SARDH: variants seen among roughly 807,000 people sequenced by gnomAD.
SARDH encodes the protein sarcosine dehydrogenase, mitochondrial.
SARDH carries 95 observed loss-of-function variants against 109.1 expected under a neutral mutation model. That is an observed-to-expected ratio of 0.87 (90% CI 0.74 to 1.03). The LOEUF (loss-of-function observed/expected upper bound fraction) is 1.03. Among genes scored for constraint, SARDH ranks in the 50% least tolerant of loss-of-function variants. The pLI, the probability that SARDH is intolerant of heterozygous loss-of-function variation, is 0.00. For missense variants in SARDH, 1,267 were observed against 1,287.8 expected (o/e 0.98, Z 0.25); for synonymous variants, 572 against 534.8 (o/e 1.07, Z -0.96).
At chr9:133,735,734 C>T (rs1301661574) in intron 1 of SARDH, among the ~76,000 whole-genome samples, 3 of 152,232 alleles carry the variant, frequency 2.0e-5, no homozygotes, top group Admixed American at 1.3e-4. Context: ...AAACACACCC[C>T]TCGGTGGAGA....
intron 8 of SARDH, among the ~76,000 whole-genome samples, chr9:133,714,533 C>A (rs1247879451): frequency 6.6e-6 from 1 of 152,216 alleles, no homozygotes; most frequent in African/African-American, 2.4e-5. Flanking sequence ...AATCCCAGTA[C>A]TTTGGGAGGC....
Position 133,734,056 on chromosome 9 carries a change from C to A in SARDH, c.118G>T (p.Val40Leu), listed in dbSNP as rs751590742. Residue 40 changes from valine to leucine, a missense_variant, in exon 2 of 21, where the codon GTG becomes TTG. Physicochemically the swap from Val to Leu is conservative, Grantham distance 32. Coordinates refer to ENST00000439388, the MANE Select transcript of SARDH (RefSeq NM_001134707.2). Reference protein sequence around the residue: ...SAAGPTAEKSVPYQRTLKEGQ... With the variant: ...SAAGPTAEKSLPYQRTLKEGQ... ...TCCTTCAGGGTCCGCTGATATGGCA[C>A]ACTCTTCTCGGCTGTGGGGCCAGCT... 6.2e-7 allele frequency: 1 copy of A among 1,613,356 alleles called. No individual in the cohort carries two copies. Among genetic ancestry groups the A allele is most frequent in the East Asian group, 2.2e-5 (1 of 44,886 alleles).
intron 14 of SARDH, 39 bp from the exon 15 acceptor site, chr9:133,694,410 C>T (rs1189507965): frequency 6.7e-7 from 1 of 1,499,446 alleles, no homozygotes; most frequent in East Asian, 2.5e-5. Flanking sequence ...GTGCTGAGGC[C>T]CCAGCCGGGT....
At chr9:133,735,148 A>G (rs1276857267) in intron 1 of SARDH, among the ~76,000 whole-genome samples, 1 of 152,176 alleles carries the variant, frequency 6.6e-6, no homozygotes, top group East Asian at 1.9e-4. Flanking sequence ...GCCTGGAGCC[A>G]GCACCTCCTC....
At chr9:133,675,313 T>C (rs1169837207) in intron 17 of SARDH, among the ~76,000 whole-genome samples, 3 of 151,278 alleles carry the variant, frequency 2.0e-5, no homozygotes, top group Non-Finnish European at 4.4e-5. Context: ...ATTGTGCCAC[T>C]GCACTCCAGC....
chr9:133,708,464 G>T (rs558047456), intron 10 of SARDH, 36 bp from the exon 11 acceptor site: 1 of 1,584,186 alleles, frequency 6.3e-7, no homozygotes, highest in East Asian at 2.3e-5. Flanking sequence ...CTGCTTTGGG[G>T]ATGGCCCGTC....
intron 3 of SARDH, 60 bp downstream of exon 3, chr9:133,732,363 C>A (rs1465378760): frequency 3.4e-6 from 4 of 1,179,008 alleles, no homozygotes; most frequent in Admixed American, 4.3e-5. Context: ...ATATGACCCC[C>A]CAGGGAGTGC....
Position 133,696,260 on chromosome 9 carries a change from G to A in SARDH, c.1770C>T (p.Ala590=), listed in dbSNP as rs758524866. 47 of 1,614,002 alleles carry A rather than the reference G, an allele frequency of 2.9e-5. No homozygotes were observed. Among genetic ancestry groups the A allele is most frequent in the East Asian group, 1.8e-4 (8 of 44,886 alleles). Residue 590 remains alanine, a synonymous_variant, in exon 14 of 21, where the codon GCC becomes GCT. Transcript: ENST00000439388. ...YLVGLDARKA[A]DWLFSADVSR... is the part of the protein sequence containing the mutation. Reference sequence around the variant, plus strand: ...TGACATCTGCGGAGAAGAGCCAGTCGGCAGCCTTCCTTGCATCCAGCCCCA... The same window carrying A: ...TGACATCTGCGGAGAAGAGCCAGTCAGCAGCCTTCCTTGCATCCAGCCCCA...
chr9:133,664,610 G>A (rs758001389), intron 20 of SARDH, among the ~76,000 whole-genome samples: 3 of 152,058 alleles, frequency 2.0e-5, no homozygotes, highest in Non-Finnish European at 4.4e-5. Context: ...GAGGAGGGCA[G>A]GCTAGGCCAC....
intron 3 of SARDH, 31 bp downstream of exon 3, chr9:133,732,392 C>T (rs778103000): frequency 3.3e-6 from 5 of 1,533,790 alleles, no homozygotes; most frequent in South Asian, 1.1e-5. Flanking sequence ...ACCCAAGCCC[C>T]CCTCCTTGCC....
At chr9:133,660,295 T>G (rs1335734749), downstream of SARDH, among the ~76,000 whole-genome samples, 1 of 152,078 alleles carries the variant, frequency 6.6e-6, no homozygotes, top group East Asian at 1.9e-4. Context: ...AGGAGGAAAC[T>G]GAGGCTCAGA....
chr9:133,685,227 G>A lies in SARDH; in HGVS notation c.2129C>T (p.Ser710Phe). The A allele has an allele frequency of 6.2e-7, 1 of 1,614,016 alleles. No homozygotes were observed. The highest frequency in any genetic ancestry group is 8.5e-7 in the Non-Finnish European group (1 of 1,179,956). Reference sequence around the variant, plus strand: ...TGCGGCTCTCAGTAGCTTGTGGGTGGAGAACGGGAAGGCCTCGTTGCTCAG... The same window carrying A: ...TGCGGCTCTCAGTAGCTTGTGGGTGAAGAACGGGAAGGCCTCGTTGCTCAG... The part of the protein sequence containing the change: ...ADLSNEAFPF[S>F]THKLLRAAGH... The change falls in exon 17 of 21, where the codon TCC (serine) becomes TTC (phenylalanine). Residue 710 changes from serine to phenylalanine, a missense_variant. Coordinates refer to ENST00000439388, the MANE Select transcript of SARDH (RefSeq NM_001134707.2).
rs141208529 is a variant in SARDH at position 133,692,222 on chromosome 9, G to T, written c.1922-1695C>A. On this transcript the variant is annotated intron_variant, in intron 15 of 20. Transcript: ENST00000439388. The surrounding 1 kb of genome is among the most constrained non-coding windows in gnomAD (Gnocchi z 5.0). ...CCAATGGGGGAAACTGAGGCTCGGG[G>T]GGGCAGGTCGCTGAGCCAGGTAGTG... Among the ~76,000 whole-genome samples the T allele has an allele frequency of 3.3e-5, 5 of 152,270 alleles. No individual in the cohort carries two copies. Among genetic ancestry groups the T allele is most frequent in the African/African-American group, 1.2e-4 (5 of 41,552 alleles).
rs760806131 is a variant in SARDH, at chr9:133,685,265, C to G, written c.2091G>C (p.Val697=). 1 of 1,613,940 alleles carries G rather than the reference C, an allele frequency of 6.2e-7. No individual in the cohort carries two copies. Among genetic ancestry groups the G allele is most frequent in the Non-Finnish European group, 8.5e-7 (1 of 1,179,952 alleles). Residue 697 remains valine (V), a synonymous_variant, in exon 17 of 21, where the codon GTG becomes GTC. Coordinates refer to ENST00000439388, the MANE Select transcript of SARDH (RefSeq NM_001134707.2). ...GPASRAILQE[V]LDADLSNEAF... ...CCTCGTTGCTCAGGTCTGCGTCCAG[C>G]ACCTCCTGCAAAATGGCTCGGCTGC... is the stretch of plus-strand genomic sequence containing the variant.
chr9:133,734,352 T>TTCATTCATTCAC lies in SARDH; in HGVS notation c.-30-161_-30-150dup, dbSNP rs1344965893. 2,970 of 495,882 alleles carry TTCATTCATTCAC rather than the reference T, an allele frequency of 6.0e-3. 118 individuals carry two copies. Among genetic ancestry groups the TTCATTCATTCAC allele is most frequent in the African/African-American group, 0.053 (2,641 of 49,472 alleles). 30.7% of individuals were successfully genotyped at this position (495,882 alleles called of 1,614,324 possible). A position where few individuals can be genotyped will look rare whatever the true frequency, so the allele number is the denominator to read the frequency against. ...TGGCATTCATTCATTCACTCATTCA[T>TTCATTCATTCAC]TCATTCATTCACTCATTCATTCATT... On this transcript the variant is annotated intron_variant, in intron 1 of 20. Transcript: ENST00000439388.
chr9:133,722,866 C>T (rs569711696), intron 6 of SARDH, among the ~76,000 whole-genome samples: 7 of 152,208 alleles, frequency 4.6e-5, no homozygotes, highest in South Asian at 2.1e-4. Flanking sequence ...ACCATGTTGG[C>T]CAGGCTGGTC....
At position 133,709,166 on chromosome 9, in the gene SARDH, G is replaced by A. The variant is rs1167759602; in HGVS notation, c.1329-738C>T. Among the ~76,000 whole-genome samples, 5 of 152,174 alleles carry A rather than the reference G, an allele frequency of 3.3e-5. No individual in the cohort carries two copies. Among genetic ancestry groups the A allele is most frequent in the African/African-American group, 9.7e-5 (4 of 41,424 alleles). On this transcript the variant is annotated intron_variant, in intron 10 of 20. Transcript: ENST00000439388. This position sits in a 1 kb window ranked among gnomAD's most constrained non-coding sequence, Gnocchi z 4.2. Reference sequence around the variant, plus strand: ...CTTCGAGGCTGGGGACACAGTGTGCGGCCACGGCAGCCCCCGGTGGTGTCC... The same window carrying A: ...CTTCGAGGCTGGGGACACAGTGTGCAGCCACGGCAGCCCCCGGTGGTGTCC...
chr9:133,712,845 C>G lies in SARDH; in HGVS notation c.1238-136G>C. The G allele has an allele frequency of 1.1e-6, 1 of 940,046 alleles. No homozygotes were observed. Among genetic ancestry groups the G allele is most frequent in the Non-Finnish European group, 1.6e-6 (1 of 618,776 alleles). 58.2% of individuals were successfully genotyped at this position (940,046 alleles called of 1,614,324 possible). On this transcript the variant is annotated intron_variant, in intron 9 of 20. Coordinates refer to ENST00000439388, the MANE Select transcript of SARDH (RefSeq NM_001134707.2). The surrounding 1 kb of genome is among the most constrained non-coding windows in gnomAD (Gnocchi z 4.1). ...TCACACCTGGGGTGCTGCACGCCTC[C>G]TGATTGGACTGCTGCTGGACTGGAC...
intron 8 of SARDH, among the ~76,000 whole-genome samples, chr9:133,715,045 G>A (rs775324343): frequency 2.7e-4 from 41 of 152,210 alleles, no homozygotes; most frequent in Non-Finnish European, 5.7e-4. Flanking sequence ...CAGGGGCCAG[G>A]CCTGCGGCTC....
Sources: allele counts gnomAD v4.1 joint callset (sites outside exome capture counted in the v4.1 genomes callset), GRCh38; gene constraint gnomAD v4.1.1; non-coding constraint Gnocchi (gnomAD v3.1); transcripts MANE v1.5; gene names NCBI Gene and HGNC (gene_info 2026-07-23, HGNC 2026-07-21).